The following SLC24A3 variants were observed in gnomAD, a reference collection of about 807,000 sequenced individuals.
SLC24A3 encodes solute carrier family 24 member 3.
A neutral mutation model predicts 75.8 loss-of-function variants in SLC24A3; 28 were observed. That is an observed-to-expected ratio of 0.37 (90% confidence interval 0.27 to 0.51). SLC24A3 has a LOEUF of 0.51. SLC24A3 is among the 20% of genes least tolerant of loss of function. The pLI, the probability that SLC24A3 is intolerant of heterozygous loss-of-function variation, is 0.94. For missense variants in SLC24A3, 663 were observed against 847.8 expected (o/e 0.78, Z 2.71); for synonymous variants, 372 against 334.1 (o/e 1.11, Z -1.24).
chr20:19,305,244 A>G (rs1179698295), intron 2 of SLC24A3, among the ~76,000 whole-genome samples: 2 of 152,146 alleles, frequency 1.3e-5, no homozygotes, highest in Non-Finnish European at 2.9e-5. Context: ...TCATGAGGAA[A>G]TGTGGGAGGA....
chr20:19,638,236 A>G (rs2032025498), intron 6 of SLC24A3, among the ~76,000 whole-genome samples: 1 of 152,174 alleles, frequency 6.6e-6, no homozygotes, highest in Non-Finnish European at 1.5e-5. Flanking sequence ...GTGGGATTCA[A>G]TAGATGATAC....
chr20:19,468,921 C>T (rs117848138), intron 2 of SLC24A3, among the ~76,000 whole-genome samples: 1,915 of 152,024 alleles, frequency 0.013, 21 homozygotes, highest in Middle Eastern at 0.017. Context: ...AGGAAGGGAA[C>T]GGTGGGTAAT....
intron 1 of SLC24A3, chr20:19,257,494 A>G (rs1277038795): frequency 6.6e-6 from 1 of 152,210 alleles, no homozygotes; most frequent in African/African-American, 2.4e-5. Flanking sequence ...TGAATCCCCA[A>G]AAGGCTCAAT....
chr20:19,286,192 A>G (rs536936153), intron 2 of SLC24A3, among the ~76,000 whole-genome samples: 2 of 152,256 alleles, frequency 1.3e-5, no homozygotes, highest in East Asian at 3.9e-4. Flanking sequence ...GCACTGCCCT[A>G]TGGGGATGGC....
chr20:19,323,334 C>T (rs920096656), intron 2 of SLC24A3, among the ~76,000 whole-genome samples: 1 of 151,870 alleles, frequency 6.6e-6, no homozygotes, highest in African/African-American at 2.4e-5. Context: ...CATGGACTAG[C>T]GGAGGTTAGA....
intron 1 of SLC24A3, among the ~76,000 whole-genome samples, chr20:19,256,363 A>G (rs1982814750): frequency 6.6e-6 from 1 of 152,204 alleles, no homozygotes; most frequent in African/African-American, 2.4e-5. Context: ...TAATGGATGC[A>G]AAGTGTCTTT....
intron 2 of SLC24A3, among the ~76,000 whole-genome samples, chr20:19,500,914 G>C (rs1047873482): frequency 1.3e-5 from 2 of 152,180 alleles, no homozygotes; most frequent in African/African-American, 2.4e-5. Flanking sequence ...ACATTTGCAT[G>C]AGGCCTCTGT....
intron 1 of SLC24A3, chr20:19,265,638 A>T (rs1301745203): frequency 6.6e-6 from 1 of 152,216 alleles, no homozygotes; most frequent in Non-Finnish European, 1.5e-5. Flanking sequence ...TGGAATCGAA[A>T]AGTTTATGAT....
At chr20:19,661,049 C>T (rs954779965) in intron 7 of SLC24A3, among the ~76,000 whole-genome samples, 3 of 152,122 alleles carry the variant, frequency 2.0e-5, no homozygotes, top group Non-Finnish European at 4.4e-5. Flanking sequence ...GGCCTGGAGA[C>T]CCCAGAGAGG....
chr20:19,614,912 T>C (rs2031717118), intron 6 of SLC24A3, among the ~76,000 whole-genome samples: 1 of 152,134 alleles, frequency 6.6e-6, no homozygotes, highest in African/African-American at 2.4e-5. Context: ...TGGTGGGACG[T>C]GTGTGTGTGG....
At chr20:19,487,872 G>A (rs1988151118) in intron 2 of SLC24A3, among the ~76,000 whole-genome samples, 1 of 152,212 alleles carries the variant, frequency 6.6e-6, no homozygotes, top group African/African-American at 2.4e-5. Context: ...GCTTCTTTAT[G>A]ATTAGCTGCT....
At chr20:19,506,209 T>C (rs1988460289) in intron 2 of SLC24A3, among the ~76,000 whole-genome samples, 1 of 152,200 alleles carries the variant, frequency 6.6e-6, no homozygotes, top group Admixed American at 6.5e-5. Flanking sequence ...GGTAAGCAAA[T>C]GTCACCACAT....
chr20:19,627,349 C>T (rs1426934877), intron 6 of SLC24A3, among the ~76,000 whole-genome samples: 2 of 152,192 alleles, frequency 1.3e-5, no homozygotes, highest in African/African-American at 4.8e-5. Flanking sequence ...TTTCTTGACT[C>T]TCCTACTATC....
chr20:19,328,667 C>T (rs941203390), intron 2 of SLC24A3, among the ~76,000 whole-genome samples: 3 of 151,994 alleles, frequency 2.0e-5, no homozygotes, highest in African/African-American at 4.8e-5. Context: ...CATGGGAGAC[C>T]GGGTGTCCTG....
At chr20:19,668,175 G>A (rs1036653925) in intron 8 of SLC24A3, among the ~76,000 whole-genome samples, 1 of 152,206 alleles carries the variant, frequency 6.6e-6, no homozygotes, top group African/African-American at 2.4e-5. Context: ...CTGATGAAGA[G>A]CATTTTGCAC....
rs73899697 is a variant in SLC24A3, at chr20:19,285,021, C to T, written c.271+3934C>T. Among the ~76,000 whole-genome samples, 736 of 152,224 alleles carry T rather than the reference C, an allele frequency of 4.8e-3. 9 individuals are homozygous for T. The highest frequency in any genetic ancestry group is 0.017 in the African/African-American group (719 of 41,530). ...CATACCTCAAGCCTTCCTCTACTCC[C>T]TCTCCCCTCCTCCCCTTCCCTCTGC... On this transcript the variant is annotated intron_variant, in intron 2 of 16. Coordinates refer to ENST00000328041, the MANE Select transcript of SLC24A3 (RefSeq NM_020689.4).
chr20:19,563,746 C>A (rs2030914538), intron 3 of SLC24A3, among the ~76,000 whole-genome samples: 1 of 152,104 alleles, frequency 6.6e-6, no homozygotes, highest in Non-Finnish European at 1.5e-5. Flanking sequence ...GCAGAGAGAA[C>A]AAGAAAGTGA....
intron 2 of SLC24A3, among the ~76,000 whole-genome samples, chr20:19,285,879 C>T (rs1250122051): frequency 6.6e-6 from 1 of 152,168 alleles, no homozygotes; most frequent in Non-Finnish European, 1.5e-5. Flanking sequence ...TTTATTTGTG[C>T]ACTTTACAGA....
At chr20:19,533,209 T>C (rs1210769905) in intron 3 of SLC24A3, among the ~76,000 whole-genome samples, 2 of 152,222 alleles carry the variant, frequency 1.3e-5, no homozygotes, top group African/African-American at 4.8e-5. Context: ...GAATGCTCTA[T>C]GGGGCTGAAC....
Sources: allele counts gnomAD v4.1 joint callset (sites outside exome capture counted in the v4.1 genomes callset), GRCh38; gene constraint gnomAD v4.1.1; transcripts MANE v1.5; gene names NCBI Gene and HGNC (gene_info 2026-07-23, HGNC 2026-07-21).